CRPPA: variants seen among roughly 807,000 people sequenced by gnomAD.
CRPPA encodes the protein CDP-L-ribitol pyrophosphorylase A.
CRPPA carries 43 observed loss-of-function variants against 52.0 expected under a neutral mutation model. The observed-to-expected ratio is 0.83, with a 90% CI of 0.65 to 1.07. CRPPA has a LOEUF of 1.07. Among genes scored for constraint, CRPPA ranks in the 50% least tolerant of loss-of-function variants. The pLI, the probability that CRPPA is intolerant of heterozygous loss-of-function variation, is 0.00. For synonymous variants in CRPPA, 250 were observed against 203.5 expected, an observed-to-expected ratio of 1.23 and a Z score of -1.94; for missense variants, 629 against 551.7, an observed-to-expected ratio of 1.14 and a Z score of -1.40.
intron 9 of CRPPA, among the ~76,000 whole-genome samples, chr7:16,114,368 C>A (rs1782327168): frequency 6.6e-6 from 1 of 151,248 alleles, no homozygotes; most frequent in African/African-American, 2.4e-5. Context: ...AAAGTAACTG[C>A]AAGTTAAAGA....
chr7:16,337,609 T>C (rs1785719478), intron 3 of CRPPA, among the ~76,000 whole-genome samples: 1 of 152,040 alleles, frequency 6.6e-6, no homozygotes, highest in African/African-American at 2.4e-5. Flanking sequence ...AACTGTTTTT[T>C]TGCAAATTAG....
At chr7:16,368,980 T>C (rs1786679258) in intron 3 of CRPPA, among the ~76,000 whole-genome samples, 1 of 152,204 alleles carries the variant, frequency 6.6e-6, no homozygotes, top group Non-Finnish European at 1.5e-5. Flanking sequence ...TCTACATATA[T>C]GTATACACAT....
chr7:16,287,613 T>A (rs1031973708), intron 5 of CRPPA, among the ~76,000 whole-genome samples: 1 of 152,030 alleles, frequency 6.6e-6, no homozygotes, highest in African/African-American at 2.4e-5. Flanking sequence ...TAGGCCCTTA[T>A]AGGAAAAAGA....
chr7:16,286,064 T>TAAA (rs1562608511), intron 5 of CRPPA, among the ~76,000 whole-genome samples: 2 of 29,768 alleles, frequency 6.7e-5, no homozygotes, highest in Admixed American at 9.1e-4. Flanking sequence ...TATATATATA[T>TAAA]ATATATATAT....
At chr7:16,243,258 G>A (rs1364020192) in intron 8 of CRPPA, among the ~76,000 whole-genome samples, 1 of 152,104 alleles carries the variant, frequency 6.6e-6, no homozygotes, top group Non-Finnish European at 1.5e-5. Flanking sequence ...CTTCCACCAT[G>A]ATTGTAAGTT....
Position 16,239,909 on chromosome 7 carries a change from C to G in CRPPA, c.1119+18481G>C, listed in dbSNP as rs145480525. Among the ~76,000 whole-genome samples, 965 of 152,220 alleles carry G rather than the reference C, an allele frequency of 6.3e-3. 16 individuals are homozygous for G. Among genetic ancestry groups the G allele is most frequent in the African/African-American group, 0.023 (947 of 41,558 alleles). Reference sequence around the variant, plus strand: ...AACTTAGACAAAGTCCTCTGGAATTCATTTTATTCACACATTGCTTCAGAA... The same window carrying G: ...AACTTAGACAAAGTCCTCTGGAATTGATTTTATTCACACATTGCTTCAGAA... On this transcript the variant is annotated intron_variant, in intron 8 of 9. Transcript: ENST00000407010.
chr7:16,399,562 A>T (rs1022989770), intron 2 of CRPPA, among the ~76,000 whole-genome samples: 1 of 151,852 alleles, frequency 6.6e-6, no homozygotes, highest in Non-Finnish European at 1.5e-5. Context: ...GAATGACATG[A>T]CACGTTTGTG....
intron 3 of CRPPA, among the ~76,000 whole-genome samples, chr7:16,328,681 A>G (rs1299697315): frequency 1.3e-5 from 2 of 151,798 alleles, no homozygotes; most frequent in Admixed American, 6.6e-5. Context: ...CGCCCGGTTA[A>G]TTTTTGTATT....
At chr7:16,233,153 A>G (rs1314987467) in intron 8 of CRPPA, among the ~76,000 whole-genome samples, 1 of 152,114 alleles carries the variant, frequency 6.6e-6, no homozygotes, top group Non-Finnish European at 1.5e-5. Flanking sequence ...GCAAAAAAAA[A>G]GAAGGCAAAA....
At chr7:16,330,680 C>G (rs1029147649) in intron 3 of CRPPA, among the ~76,000 whole-genome samples, 4 of 152,152 alleles carry the variant, frequency 2.6e-5, no homozygotes, top group Non-Finnish European at 5.9e-5. Context: ...TGATCAGGTT[C>G]TCATACTACT....
intron 9 of CRPPA, among the ~76,000 whole-genome samples, chr7:16,205,509 A>G (rs1918261): frequency 0.72 from 110,079 of 151,996 alleles, 40,075 homozygotes; most frequent in Admixed American, 0.79. Flanking sequence ...TAAATACGAT[A>G]CCTTCATTAT....
intron 9 of CRPPA, among the ~76,000 whole-genome samples, chr7:16,139,500 T>C (rs559110735): frequency 2.0e-5 from 3 of 152,336 alleles, no homozygotes; most frequent in Non-Finnish European, 4.4e-5. Context: ...GAGTTTTTCA[T>C]ATCTAAATAA....
At chr7:16,353,984 A>G (rs1399568716) in intron 3 of CRPPA, among the ~76,000 whole-genome samples, 4 of 152,206 alleles carry the variant, frequency 2.6e-5, no homozygotes, top group African/African-American at 7.2e-5. Context: ...CCACATATAT[A>G]TATACAATTA....
chr7:16,119,569 T>C (rs1052357746), intron 9 of CRPPA, among the ~76,000 whole-genome samples: 8 of 152,086 alleles, frequency 5.3e-5, no homozygotes, highest in Non-Finnish European at 8.8e-5. Flanking sequence ...AAAAACCAAA[T>C]GTAACTCTAT....
At chr7:16,158,594 A>C (rs1783236602) in intron 9 of CRPPA, among the ~76,000 whole-genome samples, 1 of 152,168 alleles carries the variant, frequency 6.6e-6, no homozygotes, top group African/African-American at 2.4e-5. Context: ...TATGAACTTC[A>C]TGTATTGTAA....
rs942961954 is a variant in CRPPA, at chr7:16,216,070, G to C, written c.1247C>G (p.Pro416Arg). The change falls in exon 9 of 10, where the codon CCA becomes CGA. Residue 416 changes from proline to arginine, a missense_variant. Physicochemically the swap from Pro to Arg is moderately radical, Grantham distance 103. Transcript: ENST00000407010. ...GAAGATAAACATTTTACCTACCTGTGGGTAAGATATGAGAAGCCCATATAA... is the reference window on the plus strand; with the variant it reads ...GAAGATAAACATTTTACCTACCTGTCGGTAAGATATGAGAAGCCCATATAA... ...ILLYGLLISY[P>R]QDDQKLQESL... 1 of 1,582,274 alleles carries C rather than the reference G, an allele frequency of 6.3e-7. No individual in the cohort carries two copies. The highest frequency in any genetic ancestry group is 1.4e-5 in the African/African-American group (1 of 73,150).
intron 9 of CRPPA, among the ~76,000 whole-genome samples, chr7:16,127,475 GA>G (rs901189218): frequency 4.0e-5 from 6 of 151,750 alleles, no homozygotes; most frequent in African/African-American, 7.2e-5. Flanking sequence ...AGTTGGGTAA[GA>G]AAAAAAATCA....
intron 9 of CRPPA, among the ~76,000 whole-genome samples, chr7:16,205,096 C>A (rs1365987600): frequency 6.6e-6 from 1 of 152,144 alleles, no homozygotes; most frequent in African/African-American, 2.4e-5. Context: ...ACAACTGTCC[C>A]ACAGGCAGCA....
rs1785929763 is a variant in CRPPA, at chr7:16,343,620, AGTT to A, written c.684+32469_684+32471del. ...GTCAGTGGTAATTGTTTAACATCAC[AGTT>A]GCATTAGATGGTGATCACAGTTGAG... On this transcript the variant is annotated intron_variant, in intron 3 of 9. Transcript: ENST00000407010. Among the ~76,000 whole-genome samples the A allele has an allele frequency of 4.8e-5, 3 of 62,564 alleles. No individual in the cohort carries two copies. The South Asian group carries it at 9.8e-4, about 20-fold the overall frequency. The allele number at this position is 62,564 out of a possible 152,430, so 41.0% of individuals were successfully genotyped here. A position where few individuals can be genotyped will look rare whatever the true frequency, so the allele number is the denominator to read the frequency against.
Sources: allele counts gnomAD v4.1 joint callset (sites outside exome capture counted in the v4.1 genomes callset), GRCh38; gene constraint gnomAD v4.1.1; transcripts MANE v1.5; gene names NCBI Gene and HGNC (gene_info 2026-07-23, HGNC 2026-07-21).